SESTD1: variants seen among roughly 807,000 people sequenced by gnomAD.
SESTD1 encodes SEC14 and spectrin domain containing 1, also known as SEC14 domain and spectrin repeat-containing protein 1.
Under a neutral mutation model 101.7 loss-of-function variants are expected in SESTD1, and 43 were observed. That is an observed-to-expected ratio of 0.42 (90% confidence interval 0.33 to 0.55). SESTD1 has a LOEUF of 0.55. SESTD1 is among the 20% of genes least tolerant of loss of function. SESTD1 has a pLI of 0.07. For synonymous variants in SESTD1, 283 were observed against 286.8 expected, an observed-to-expected ratio of 0.99 and a Z score of 0.13; for missense variants, 647 against 815.1, an observed-to-expected ratio of 0.79 and a Z score of 2.51.
At chr2:179,183,044 A>AGTAT in intron 3 of SESTD1, 36 bp downstream of exon 3, 1 of 1,389,412 alleles carries the variant, frequency 7.2e-7, no homozygotes, top group Non-Finnish European at 9.9e-7. Context: ...GAATGAAAAC[A>AGTAT]TACTGAGATT....
chr2:179,191,377 T>A (rs371969171), intron 2 of SESTD1, among the ~76,000 whole-genome samples: 3 of 151,964 alleles, frequency 2.0e-5, no homozygotes, highest in African/African-American at 4.8e-5. Flanking sequence ...GAGCCAAACA[T>A]TGGGCACACA....
intron 8 of SESTD1, 84 bp downstream of exon 8, chr2:179,146,318 C>G (rs1042125729): frequency 7.8e-7 from 1 of 1,284,128 alleles, no homozygotes; most frequent in Non-Finnish European, 1.1e-6. Flanking sequence ...GTACCACATT[C>G]ATGCTGAATT....
chr2:179,164,399 CA>C (rs530362186), intron 5 of SESTD1, among the ~76,000 whole-genome samples: 5 of 151,940 alleles, frequency 3.3e-5, no homozygotes, highest in Non-Finnish European at 7.4e-5. Flanking sequence ...TAATGAGTGA[CA>C]AAAAAGGAGA....
At chr2:179,239,547 G>T (rs2047119129) in intron 1 of SESTD1, among the ~76,000 whole-genome samples, 1 of 152,098 alleles carries the variant, frequency 6.6e-6, no homozygotes, top group Non-Finnish European at 1.5e-5. Flanking sequence ...CATGTGGGGA[G>T]CTTTTAAAAA....
At chr2:179,214,996 G>T (rs192820792) in intron 1 of SESTD1, among the ~76,000 whole-genome samples, 1 of 134,730 alleles carries the variant, frequency 7.4e-6, no homozygotes, top group Non-Finnish European at 1.6e-5. Flanking sequence ...GCAGCATGTA[G>T]ATGGAAATTT....
In SESTD1 at chr2:179,205,935, A is replaced by G. The variant is rs143683392; in HGVS notation, c.-25-14069T>C. ...AGGTCAAATTTAATTTAATTTTTCA[A>G]AAGTTATTTGCTCCAGTTTTTCAAG... On this transcript the variant is annotated intron_variant, in intron 1 of 17. Coordinates refer to ENST00000428443, the MANE Select transcript of SESTD1 (RefSeq NM_178123.5). Among the ~76,000 whole-genome samples the G allele has an allele frequency of 6.0e-3, 812 of 135,002 alleles. 203 individuals carry two copies. Among genetic ancestry groups the G allele is most frequent in the African/African-American group, 0.023 (772 of 34,172 alleles). 88.6% of individuals were successfully genotyped at this position (135,002 alleles called of 152,430 possible). A position where few individuals can be genotyped will look rare whatever the true frequency, so the allele number is the denominator to read the frequency against.
At chr2:179,232,083 A>T (rs1028079461) in intron 1 of SESTD1, among the ~76,000 whole-genome samples, 1 of 152,218 alleles carries the variant, frequency 6.6e-6, no homozygotes, top group East Asian at 1.9e-4. Context: ...ATGGACATCA[A>T]TATTGACCAA....
rs1049490926 is a variant in SESTD1 at position 179,103,534 on chromosome 2, G to C, written c.*6365C>G. ...AATGGCCAATCCTGGAAACAGCCCA[G>C]GTATCTATCAATAATAGGAAATTAA... On this transcript the variant is annotated 3_prime_UTR_variant, in exon 18 of 18. Coordinates refer to ENST00000428443, the MANE Select transcript of SESTD1 (RefSeq NM_178123.5). 1 of 151,880 alleles carries C rather than the reference G, an allele frequency of 6.6e-6. No homozygotes were observed. The highest frequency in any genetic ancestry group is 2.4e-5 in the African/African-American group (1 of 41,350). 9.4% of individuals were successfully genotyped at this position (151,880 alleles called of 1,614,324 possible).
chr2:179,263,811 C>G (rs1261826787), intron 1 of SESTD1, among the ~76,000 whole-genome samples: 1 of 152,198 alleles, frequency 6.6e-6, no homozygotes, highest in African/African-American at 2.4e-5. Context: ...ATAAACACAA[C>G]CACAGACCCT....
chr2:179,242,760 T>C (rs921610697), intron 1 of SESTD1, among the ~76,000 whole-genome samples: 2 of 152,202 alleles, frequency 1.3e-5, no homozygotes, highest in Non-Finnish European at 2.9e-5. Flanking sequence ...TGCAGAAGAA[T>C]GAAACCGGAC....
chr2:179,126,938 C>A (rs1377475345), intron 10 of SESTD1, among the ~76,000 whole-genome samples: 5 of 152,160 alleles, frequency 3.3e-5, no homozygotes, highest in Non-Finnish European at 2.9e-5. Context: ...ATCTATCAGC[C>A]CCCCGCCTTC....
At chr2:179,131,434 T>C (rs1419969295) in intron 10 of SESTD1, among the ~76,000 whole-genome samples, 1 of 152,214 alleles carries the variant, frequency 6.6e-6, no homozygotes, top group Non-Finnish European at 1.5e-5. Context: ...CAGAAATTAA[T>C]GTTCCGACGG....
chr2:179,191,386 C>T (rs2046317668), intron 2 of SESTD1, among the ~76,000 whole-genome samples: 1 of 152,168 alleles, frequency 6.6e-6, no homozygotes, highest in South Asian at 2.1e-4. Context: ...ATTGGGCACA[C>T]ATGGACATAA....
At chr2:179,144,045 TATATC>T (rs768791744) in intron 8 of SESTD1, among the ~76,000 whole-genome samples, 22 of 152,196 alleles carry the variant, frequency 1.4e-4, no homozygotes, top group Non-Finnish European at 2.8e-4. Context: ...ATTAAAATGC[TATATC>T]ATATATCATA....
At chr2:179,182,446 G>GA (rs975180181) in intron 3 of SESTD1, among the ~76,000 whole-genome samples, 5 of 151,952 alleles carry the variant, frequency 3.3e-5, no homozygotes, top group African/African-American at 1.2e-4. Context: ...TTAGAATTTT[G>GA]AAAAAAATCT....
intron 7 of SESTD1, 74 bp from the exon 8 acceptor site, chr2:179,146,531 T>C (rs777778239): frequency 1.6e-5 from 21 of 1,294,040 alleles, no homozygotes; most frequent in South Asian, 2.6e-5. Flanking sequence ...CCTTTACATA[T>C]AAAAAAACAG....
At chr2:179,172,264 A>C in intron 4 of SESTD1, 31 bp from the exon 5 acceptor site, 1 of 1,401,094 alleles carries the variant, frequency 7.1e-7, no homozygotes, top group Non-Finnish European at 1.0e-6. Context: ...ATTACAAATT[A>C]CACATGTAAA....
chr2:179,146,902 GGGGT>G (rs1206635392), intron 7 of SESTD1, among the ~76,000 whole-genome samples: 1 of 116,396 alleles, frequency 8.6e-6, no homozygotes. Flanking sequence ...TTATATTCCA[GGGGT>G]GTGTGTGTGT....
At chr2:179,168,700 A>T (rs2045878370) in intron 5 of SESTD1, among the ~76,000 whole-genome samples, 1 of 152,264 alleles carries the variant, frequency 6.6e-6, no homozygotes, top group African/African-American at 2.4e-5. Flanking sequence ...ATCTCCAAAA[A>T]GAAACGAAGA....
Sources: allele counts gnomAD v4.1 joint callset (sites outside exome capture counted in the v4.1 genomes callset), GRCh38; gene constraint gnomAD v4.1.1; transcripts MANE v1.5; gene names NCBI Gene and HGNC (gene_info 2026-07-23, HGNC 2026-07-21).